Variants in WFDC1 observed in about 807,000 individuals in gnomAD.
The protein encoded by WFDC1 is WAP four-disulfide core domain protein 1.
Under a neutral mutation model 32.9 loss-of-function variants are expected in WFDC1, and 39 were observed. The ratio of observed to expected loss-of-function variants is 1.19; its 90% CI spans 0.92 to 1.55. The LOEUF is 1.55. Among genes scored for constraint, WFDC1 ranks in the 40% most tolerant of loss-of-function variants. The pLI is 0.00. For missense variants in WFDC1, 386 were observed against 309.5 expected, an observed-to-expected ratio of 1.25 and a Z score of -1.85; for synonymous variants, 184 against 137.4, an observed-to-expected ratio of 1.34 and a Z score of -2.37.
chr16:84,320,697 G>A (rs1305929179), intron 4 of WFDC1, among the ~76,000 whole-genome samples: 1 of 152,204 alleles, frequency 6.6e-6, no homozygotes, highest in Non-Finnish European at 1.5e-5. Flanking sequence ...GGTTCACCTT[G>A]TCAAAGTCAG....
chr16:84,310,965 A>G (rs1907580686), intron 1 of WFDC1, among the ~76,000 whole-genome samples: 1 of 152,190 alleles, frequency 6.6e-6, no homozygotes, highest in Non-Finnish European at 1.5e-5. Context: ...GATTAAAGGA[A>G]CAGTTTAGGC....
At position 84,318,210 on chromosome 16, in the gene WFDC1, C is replaced by A. The variant is rs990913662; in HGVS notation, c.338-62C>A. The A allele has an allele frequency of 7.7e-6, 12 of 1,564,298 alleles. No individual in the cohort carries two copies. In the Admixed American group the frequency reaches 1.9e-4, roughly 24 times the overall value. ...CATGAAGTTGGGGTGCCCCCAGCCCCCAAGCCTGGGCGTTTCTCAGCTGCT... is the reference window on the plus strand; with the variant it reads ...CATGAAGTTGGGGTGCCCCCAGCCCACAAGCCTGGGCGTTTCTCAGCTGCT... On this transcript the variant is annotated intron_variant, in intron 2 of 6. Transcript: ENST00000219454.
chr16:84,313,213 CG>C, intron 2 of WFDC1, 60 bp downstream of exon 2: 4 of 1,324,534 alleles, frequency 3.0e-6, no homozygotes, highest in Non-Finnish European at 1.9e-6. Context: ...AGAGCTGTCC[CG>C]GGGGAGGGGA....
intron 1 of WFDC1, among the ~76,000 whole-genome samples, chr16:84,311,830 G>T (rs964034100): frequency 2.0e-5 from 3 of 150,708 alleles, no homozygotes; most frequent in Admixed American, 1.3e-4. Context: ...GTGTGCCACA[G>T]CACCTGGCCC....
At chr16:84,322,145 CTGTGTGTGTGTGTGCGTGTGTGTGTG>C (rs1366441572) in intron 4 of WFDC1, among the ~76,000 whole-genome samples, 3 of 109,336 alleles carry the variant, frequency 2.7e-5, no homozygotes, top group Non-Finnish European at 6.3e-5. Context: ...GCCTCAGAGC[CTGTGTGTGTGTGTGCGTGTGTGTGTG>C]TGTGTGTGTG....
intron 6 of WFDC1, chr16:84,328,286 C>A (rs1428735279): frequency 1.3e-5 from 2 of 152,230 alleles, no homozygotes; most frequent in Non-Finnish European, 2.9e-5. Flanking sequence ...CTTGCCCTCA[C>A]GTGCCCTCAA....
chr16:84,307,477 G>C (rs1907331208), intron 1 of WFDC1, among the ~76,000 whole-genome samples: 1 of 152,138 alleles, frequency 6.6e-6, no homozygotes, highest in Non-Finnish European at 1.5e-5. Flanking sequence ...TTATCTCTTT[G>C]TTCTCTCCAA....
chr16:84,307,463 G>C (rs538115513), intron 1 of WFDC1, among the ~76,000 whole-genome samples: 148 of 152,240 alleles, frequency 9.7e-4, no homozygotes, highest in African/African-American at 3.5e-3. Flanking sequence ...GGCTTCTAAG[G>C]CGCTTATCTC....
chr16:84,326,181 C>G (rs560344371), intron 5 of WFDC1: 1 of 145,252 alleles, frequency 6.9e-6, no homozygotes, highest in Non-Finnish European at 1.6e-5. Context: ...ATCCATGCAT[C>G]CATCCATCCA....
intron 1 of WFDC1, among the ~76,000 whole-genome samples, chr16:84,311,337 C>G (rs1463743218): frequency 6.6e-6 from 1 of 151,330 alleles, no homozygotes; most frequent in African/African-American, 2.4e-5. Context: ...CTCCGACTCC[C>G]AGGTCCACAC....
chr16:84,304,713 G>GT (rs1441203292), intron 1 of WFDC1, among the ~76,000 whole-genome samples: 1 of 152,224 alleles, frequency 6.6e-6, no homozygotes, highest in Non-Finnish European at 1.5e-5. Context: ...TCCGTCTGGG[G>GT]TGAGTGTCCT....
intron 1 of WFDC1, among the ~76,000 whole-genome samples, chr16:84,296,620 ATTCTCCATG>A (rs1304845947): frequency 5.9e-5 from 9 of 152,186 alleles, no homozygotes; most frequent in Admixed American, 6.5e-5. Flanking sequence ...CAGGGCTCAT[ATTCTCCATG>A]TTCGGCACAT....
chr16:84,309,830 TGCGTGCGTGTGTACATGTGTGTGTGG>T (rs1242181236), intron 1 of WFDC1, among the ~76,000 whole-genome samples: 1 of 145,672 alleles, frequency 6.9e-6, no homozygotes, highest in Admixed American at 7.1e-5. Flanking sequence ...CATGTGTGTG[TGCGTGCGTGTGTACATGTGTGTGTGG>T]GGGGGGCGTG....
rs1197455188 is a variant in WFDC1, at chr16:84,324,475, T to C, written c.604+15T>C. On this transcript the variant is annotated intron_variant, in intron 5 of 6. Coordinates refer to ENST00000219454, the MANE Select transcript of WFDC1 (RefSeq NM_021197.4). ...AGAATATCCAGGTAAAAGAAGAAAC[T>C]GTTCTTTCTTTCCAGAGGGCACAAA... The C allele has an allele frequency of 1.9e-6, 3 of 1,611,608 alleles. No homozygotes were observed. The highest frequency in any genetic ancestry group is 1.7e-5 in the Admixed American group (1 of 59,600).
chr16:84,301,420 G>A (rs1204924833), intron 1 of WFDC1, among the ~76,000 whole-genome samples: 1 of 152,166 alleles, frequency 6.6e-6, no homozygotes, highest in Non-Finnish European at 1.5e-5. Flanking sequence ...TTTTGGCTGG[G>A]GACAAGTGGG....
chr16:84,326,788 A>C, intron 5 of WFDC1, 94 bp from the exon 6 acceptor site: 1 of 1,500,102 alleles, frequency 6.7e-7, no homozygotes, highest in Non-Finnish European at 9.3e-7. Flanking sequence ...GGGCCAGGTC[A>C]CCAGGCTTCA....
chr16:84,307,236 T>G (rs1405723638), intron 1 of WFDC1, among the ~76,000 whole-genome samples: 3 of 152,064 alleles, frequency 2.0e-5, no homozygotes, highest in Admixed American at 2.0e-4. Context: ...CAGGGATAAA[T>G]TGGAGGGTAA....
intron 1 of WFDC1, among the ~76,000 whole-genome samples, chr16:84,301,669 T>C (rs1305341183): frequency 6.6e-6 from 1 of 152,112 alleles, no homozygotes; most frequent in Non-Finnish European, 1.5e-5. Flanking sequence ...GGATATGTCG[T>C]ACTGATGTGA....
intron 5 of WFDC1, 89 bp downstream of exon 5, chr16:84,324,549 G>T: frequency 6.8e-7 from 1 of 1,466,872 alleles, no homozygotes; most frequent in Non-Finnish European, 9.3e-7. Flanking sequence ...AAAAGCCCAG[G>T]GCTGAGATAT....
Sources: allele counts gnomAD v4.1 joint callset (sites outside exome capture counted in the v4.1 genomes callset), GRCh38; gene constraint gnomAD v4.1.1; transcripts MANE v1.5; gene names NCBI Gene and HGNC (gene_info 2026-07-23, HGNC 2026-07-21).